The following TRPC4 variants were observed in gnomAD, a reference collection of about 807,000 sequenced individuals.
The protein encoded by TRPC4 is short transient receptor potential channel 4.
In TRPC4, 49 loss-of-function variants were observed where a neutral mutation model predicts 99.4. The observed-to-expected ratio is 0.49, with a 90% CI of 0.39 to 0.63. The LOEUF is 0.63. TRPC4 is among the 20% of genes least tolerant of loss of function. The pLI is 0.00. For missense variants in TRPC4, 898 were observed against 1,152.9 expected (o/e 0.78, Z 3.20); for synonymous variants, 454 against 425.9 (o/e 1.07, Z -0.81).
At chr13:37,814,665 G>A (rs942293774) in intron 1 of TRPC4, among the ~76,000 whole-genome samples, 2 of 151,710 alleles carry the variant, frequency 1.3e-5, no homozygotes, top group Admixed American at 1.3e-4. Context: ...ACTGCAGAAT[G>A]TCATTGAAGG....
At chr13:37,808,617 G>T (rs1230745889) in intron 1 of TRPC4, among the ~76,000 whole-genome samples, 1 of 151,938 alleles carries the variant, frequency 6.6e-6, no homozygotes, top group Non-Finnish European at 1.5e-5. Context: ...TTGGGGTAGG[G>T]CACATCCGAT....
rs917351306 is a variant in TRPC4 at position 37,635,217 on chromosome 13, G to A, written c.*1686C>T. Among the ~76,000 whole-genome samples, 1 of 152,030 alleles carries A rather than the reference G, an allele frequency of 6.6e-6. No homozygotes were observed. The highest frequency in any genetic ancestry group is 1.5e-5 in the Non-Finnish European group (1 of 67,982). ...GCAATTGTAACCCCTGTATATGCAT[G>A]TTTTATAACTTGCTCTTTTTATGTT... On this transcript the variant is annotated 3_prime_UTR_variant, in exon 11 of 11. Transcript: ENST00000379705.
chr13:37,668,749 A>G (rs1952736060), intron 5 of TRPC4, among the ~76,000 whole-genome samples: 1 of 152,220 alleles, frequency 6.6e-6, no homozygotes, highest in Non-Finnish European at 1.5e-5. Flanking sequence ...TTAAATTAAT[A>G]TGAAATAAAA....
chr13:37,854,435 C>T (rs905977279), intron 1 of TRPC4, among the ~76,000 whole-genome samples: 12 of 152,044 alleles, frequency 7.9e-5, no homozygotes, highest in African/African-American at 2.9e-4. Flanking sequence ...AAAGAAAGTT[C>T]TTCAATCTAA....
chr13:37,768,466 G>C (rs1430015554), intron 2 of TRPC4, among the ~76,000 whole-genome samples: 1 of 151,338 alleles, frequency 6.6e-6, no homozygotes. Context: ...CACAACTAAA[G>C]AAAATATCAT....
chr13:37,689,172 G>A (rs2138860943), intron 4 of TRPC4, among the ~76,000 whole-genome samples: 1 of 152,246 alleles, frequency 6.6e-6, no homozygotes, highest in South Asian at 2.1e-4. Flanking sequence ...AGGATACAGG[G>A]GGACTTTAGA....
intron 4 of TRPC4, among the ~76,000 whole-genome samples, chr13:37,676,581 C>T (rs1388514189): frequency 1.3e-5 from 2 of 151,966 alleles, no homozygotes; most frequent in African/African-American, 2.4e-5. Context: ...TCATGTTGGC[C>T]AGGATGGTCT....
intron 10 of TRPC4, among the ~76,000 whole-genome samples, 168 bp downstream of exon 10, chr13:37,638,872 T>C (rs1951618742): frequency 1.3e-5 from 2 of 152,184 alleles, no homozygotes; most frequent in South Asian, 4.1e-4. Flanking sequence ...TTTCACCACT[T>C]GCTTTTCTTT....
intron 1 of TRPC4, among the ~76,000 whole-genome samples, chr13:37,784,660 C>T (rs1956927340): frequency 6.6e-6 from 1 of 151,714 alleles, no homozygotes; most frequent in Non-Finnish European, 1.5e-5. Flanking sequence ...TCTTTTCAAC[C>T]CTAATCATTT....
Position 37,780,424 on chromosome 13 carries a change from T to TA in TRPC4, c.378+2531dup, listed in dbSNP as rs199618445. ...TATCATTTGGCCTCAATGACCTCAA[T>TA]AAAATGAATGATGACGTGTCCCAGA... On this transcript the variant is annotated intron_variant, in intron 2 of 10. Coordinates refer to ENST00000379705, the MANE Select transcript of TRPC4 (RefSeq NM_016179.4). Among the ~76,000 whole-genome samples the TA allele has an allele frequency of 8.5e-3, 1,292 of 152,152 alleles. 7 individuals are homozygous for TA. The highest frequency in any genetic ancestry group is 0.014 in the Middle Eastern group (4 of 292).
At chr13:37,756,922 G>T (rs1258118928) in intron 2 of TRPC4, among the ~76,000 whole-genome samples, 1 of 151,924 alleles carries the variant, frequency 6.6e-6, no homozygotes, top group Non-Finnish European at 1.5e-5. Context: ...AATTCGGCAC[G>T]ATTACATACA....
intron 2 of TRPC4, among the ~76,000 whole-genome samples, chr13:37,755,674 T>A (rs932649944): frequency 3.3e-5 from 5 of 152,038 alleles, no homozygotes; most frequent in African/African-American, 1.2e-4. Flanking sequence ...TGTGCTGGGA[T>A]TACAGGCGTG....
In TRPC4 at chr13:37,723,384, C is replaced by T. The variant is rs1055848273; in HGVS notation, c.897+22553G>A. Among the ~76,000 whole-genome samples, 6 of 151,952 alleles carry T rather than the reference C, an allele frequency of 3.9e-5. No individual in the cohort carries two copies. In the South Asian group the frequency reaches 6.2e-4, roughly 16 times the overall value. On this transcript the variant is annotated intron_variant, in intron 3 of 10. Transcript: ENST00000379705. ...AGACAAGATATAATCATACAAAAAACGCAAAACTCCAAATGGCTAATGAAA... is the reference window on the plus strand; with the variant it reads ...AGACAAGATATAATCATACAAAAAATGCAAAACTCCAAATGGCTAATGAAA...
chr13:37,662,613 T>C (rs547007878), intron 6 of TRPC4, among the ~76,000 whole-genome samples: 11 of 152,336 alleles, frequency 7.2e-5, no homozygotes, highest in African/African-American at 2.6e-4. Flanking sequence ...AGGTATGACT[T>C]TTAAAGTCAC....
chr13:37,688,092 T>C (rs1049519533), intron 4 of TRPC4, among the ~76,000 whole-genome samples: 5 of 152,172 alleles, frequency 3.3e-5, no homozygotes, highest in East Asian at 3.9e-4. Context: ...ACAGCAAATA[T>C]GTGCAAGAAG....
chr13:37,691,903 A>G (rs1953726020), intron 4 of TRPC4, 96 bp downstream of exon 4: 5 of 1,208,634 alleles, frequency 4.1e-6, no homozygotes, highest in Non-Finnish European at 5.8e-6. Flanking sequence ...TATTCTAAAC[A>G]TTCCTAGGTC....
At chr13:37,823,017 G>C (rs796456632) in intron 1 of TRPC4, among the ~76,000 whole-genome samples, 2 of 149,092 alleles carry the variant, frequency 1.3e-5, no homozygotes, top group Admixed American at 6.7e-5. Context: ...TTCTCTGATG[G>C]CCAGTGATGA....
At chr13:37,776,357 T>C (rs1956703128) in intron 2 of TRPC4, among the ~76,000 whole-genome samples, 1 of 151,936 alleles carries the variant, frequency 6.6e-6, no homozygotes. Flanking sequence ...GAAACATAAT[T>C]GATAACTCAT....
intron 4 of TRPC4, 76 bp downstream of exon 4, chr13:37,691,923 A>G: frequency 7.3e-7 from 1 of 1,368,522 alleles, no homozygotes; most frequent in Non-Finnish European, 1.0e-6. Flanking sequence ...CCCAAACATT[A>G]ATGAATATTT....
Sources: allele counts gnomAD v4.1 joint callset (sites outside exome capture counted in the v4.1 genomes callset), GRCh38; gene constraint gnomAD v4.1.1; transcripts MANE v1.5; gene names NCBI Gene and HGNC (gene_info 2026-07-23, HGNC 2026-07-21).